PDE4B: variants seen among roughly 807,000 people sequenced by gnomAD.
PDE4B encodes 3',5'-cyclic-AMP phosphodiesterase 4B.
A neutral mutation model predicts 82.2 loss-of-function variants in PDE4B; 20 were observed. That is an observed-to-expected ratio of 0.24 (90% CI 0.17 to 0.35). PDE4B has a LOEUF of 0.35. Among genes scored for constraint, PDE4B ranks in the 10% least tolerant of loss-of-function variants. The probability of loss-of-function intolerance (pLI) is 1.00; values close to 1 mark genes in which losing one functional copy is unlikely to be tolerated. For missense variants in PDE4B, 655 were observed against 907.2 expected (o/e 0.72, Z 3.57); for synonymous variants, 320 against 318.9 (o/e 1.00, Z -0.04).
At chr1:65,871,204 A>C (rs1646569196) in intron 1 of PDE4B, among the ~76,000 whole-genome samples, 1 of 152,202 alleles carries the variant, frequency 6.6e-6, no homozygotes, top group Non-Finnish European at 1.5e-5. Flanking sequence ...ATCTATTTGA[A>C]GTATGCTTTA....
chr1:65,844,772 C>G (rs558860648), intron 1 of PDE4B, among the ~76,000 whole-genome samples: 4 of 152,254 alleles, frequency 2.6e-5, no homozygotes, highest in African/African-American at 7.2e-5. Context: ...TAGGCATTCT[C>G]TTCTTCTTGG....
intron 1 of PDE4B, among the ~76,000 whole-genome samples, chr1:65,877,445 C>G (rs1646658071): frequency 6.6e-6 from 1 of 151,876 alleles, no homozygotes; most frequent in Non-Finnish European, 1.5e-5. Flanking sequence ...GAAACTCCAT[C>G]TCTACTAAAA....
chr1:65,898,782 G>T (rs12750939), intron 1 of PDE4B, among the ~76,000 whole-genome samples: 35,906 of 151,988 alleles, frequency 0.24, 5,215 homozygotes, highest in South Asian at 0.47. Context: ...AATGAAACTG[G>T]AACCTCATCT....
intron 1 of PDE4B, among the ~76,000 whole-genome samples, chr1:65,897,692 C>G (rs1646926637): frequency 6.6e-6 from 1 of 151,622 alleles, no homozygotes; most frequent in Non-Finnish European, 1.5e-5. Context: ...GCATAGTATT[C>G]CATGCTGTAC....
intron 7 of PDE4B, among the ~76,000 whole-genome samples, chr1:66,296,219 A>G (rs1657503652): frequency 6.6e-6 from 1 of 152,082 alleles, no homozygotes; most frequent in Non-Finnish European, 1.5e-5. Context: ...ACTATGTCTT[A>G]TTTGATATCC....
intron 1 of PDE4B, among the ~76,000 whole-genome samples, chr1:65,839,671 T>C (rs1646184501): frequency 2.0e-5 from 3 of 152,234 alleles, no homozygotes; most frequent in Admixed American, 6.5e-5. Context: ...CAGCCTATCA[T>C]TGATTAGCAT....
chr1:65,999,760 A>G (rs1651760480), intron 3 of PDE4B, among the ~76,000 whole-genome samples: 2 of 152,248 alleles, frequency 1.3e-5, no homozygotes, highest in Non-Finnish European at 2.9e-5. Flanking sequence ...TCCTCAGAGC[A>G]TACAAGAAAG....
At chr1:66,318,364 A>G (rs1570683137) in intron 7 of PDE4B, among the ~76,000 whole-genome samples, 2 of 152,330 alleles carry the variant, frequency 1.3e-5, no homozygotes, top group East Asian at 3.9e-4. Context: ...ATGGTGGGTC[A>G]AAAATAAAGT....
chr1:66,099,708 A>G (rs1202073785), intron 3 of PDE4B, among the ~76,000 whole-genome samples: 1 of 152,140 alleles, frequency 6.6e-6, no homozygotes, highest in Non-Finnish European at 1.5e-5. Flanking sequence ...TTACAAGTCC[A>G]TTTATCTCAG....
chr1:65,879,809 A>G (rs1044464436), intron 1 of PDE4B, among the ~76,000 whole-genome samples: 2 of 152,162 alleles, frequency 1.3e-5, no homozygotes, highest in Admixed American at 1.3e-4. Flanking sequence ...TCCTAACCAA[A>G]CTTAAGGGCT....
intron 4 of PDE4B, 107 bp downstream of exon 4, chr1:66,247,761 GA>G: frequency 1.2e-6 from 1 of 819,008 alleles, no homozygotes. Context: ...AAGGATGAAG[GA>G]AGAAAATGAA....
intron 3 of PDE4B, among the ~76,000 whole-genome samples, chr1:65,928,802 A>C (rs896186531): frequency 6.6e-6 from 1 of 152,122 alleles, no homozygotes; most frequent in Non-Finnish European, 1.5e-5. Flanking sequence ...AGGCATTTCC[A>C]GCTTGCTTAC....
chr1:65,826,893 T>G (rs1218274314), intron 1 of PDE4B, among the ~76,000 whole-genome samples: 1 of 152,154 alleles, frequency 6.6e-6, no homozygotes, highest in Non-Finnish European at 1.5e-5. Context: ...TACCCCACCA[T>G]GTACATCAAA....
intron 3 of PDE4B, among the ~76,000 whole-genome samples, chr1:66,229,305 G>A (rs755325040): frequency 4.6e-5 from 7 of 151,952 alleles, no homozygotes; most frequent in Non-Finnish European, 7.4e-5. Context: ...CACCATGCCC[G>A]GCCCCCCAGA....
intron 7 of PDE4B, among the ~76,000 whole-genome samples, chr1:66,319,418 C>T (rs755359025): frequency 2.0e-5 from 3 of 152,170 alleles, no homozygotes; most frequent in Admixed American, 2.0e-4. Flanking sequence ...TAATTTGAGG[C>T]CTCCTTACTT....
At chr1:66,182,774 G>A (rs1378494295) in intron 3 of PDE4B, among the ~76,000 whole-genome samples, 2 of 152,096 alleles carry the variant, frequency 1.3e-5, no homozygotes, top group Non-Finnish European at 2.9e-5. Context: ...ATGAAATGAA[G>A]AAACAGAAAA....
At chr1:66,268,500 T>C (rs1356862566) in intron 7 of PDE4B, among the ~76,000 whole-genome samples, 1 of 151,514 alleles carries the variant, frequency 6.6e-6, no homozygotes, top group African/African-American at 2.4e-5. Flanking sequence ...AAACCCCATC[T>C]CTACTAAAAC....
At chr1:65,882,382 A>T (rs1646718022) in intron 1 of PDE4B, among the ~76,000 whole-genome samples, 3 of 152,154 alleles carry the variant, frequency 2.0e-5, no homozygotes, top group African/African-American at 4.8e-5. Flanking sequence ...TGATTATGTA[A>T]ATTTAAACTC....
intron 3 of PDE4B, among the ~76,000 whole-genome samples, chr1:65,945,340 C>T (rs1233590172): frequency 2.0e-5 from 3 of 151,976 alleles, no homozygotes; most frequent in Admixed American, 6.6e-5. Flanking sequence ...GTAAAGTGAT[C>T]TCTTGGCCTG....
Sources: allele counts gnomAD v4.1 joint callset (sites outside exome capture counted in the v4.1 genomes callset), GRCh38; gene constraint gnomAD v4.1.1; transcripts MANE v1.5; gene names NCBI Gene and HGNC (gene_info 2026-07-23, HGNC 2026-07-21).